The following CACHD1 variants were observed in gnomAD, a reference collection of about 807,000 sequenced individuals.
The protein encoded by CACHD1 is VWFA and cache domain-containing protein 1.
In CACHD1, 71 loss-of-function variants were observed where a neutral mutation model predicts 138.7. The observed-to-expected ratio is 0.51, with a 90% CI of 0.42 to 0.62. The LOEUF (loss-of-function observed/expected upper bound fraction) is 0.62, where lower values mean the gene tolerates loss of function less well. Among genes scored for constraint, CACHD1 ranks in the 20% least tolerant of loss-of-function variants. CACHD1 has a pLI of 0.00. For synonymous variants in CACHD1, 578 were observed against 591.5 expected (o/e 0.98, Z 0.33); for missense variants, 1,389 against 1,625.3 (o/e 0.85, Z 2.50).
At chr1:64,557,611 A>G (rs767339886) in intron 2 of CACHD1, among the ~76,000 whole-genome samples, 3 of 152,000 alleles carry the variant, frequency 2.0e-5, no homozygotes, top group African/African-American at 7.2e-5. Flanking sequence ...ATCCATCACC[A>G]CGTAAACACA....
intron 1 of CACHD1, among the ~76,000 whole-genome samples, chr1:64,498,974 T>C (rs1391375216): frequency 6.6e-6 from 1 of 152,194 alleles, no homozygotes; most frequent in East Asian, 1.9e-4. Flanking sequence ...TCTTCCTAGA[T>C]TTATTAAATA....
intron 4 of CACHD1, among the ~76,000 whole-genome samples, chr1:64,607,873 C>A (rs1420985345): frequency 1.3e-5 from 2 of 152,090 alleles, no homozygotes; most frequent in Non-Finnish European, 2.9e-5. Flanking sequence ...GCATTAAAGA[C>A]CTGTTAGTGG....
chr1:64,643,097 C>T (rs1165648769), intron 8 of CACHD1, among the ~76,000 whole-genome samples: 1 of 145,132 alleles, frequency 6.9e-6, no homozygotes, highest in Non-Finnish European at 1.5e-5. Flanking sequence ...AGCAGTCTTT[C>T]CCACCTACTA....
intron 7 of CACHD1, 27 bp downstream of exon 7, chr1:64,634,287 G>C (rs1309159083): frequency 1.3e-6 from 2 of 1,555,508 alleles, no homozygotes; most frequent in Admixed American, 1.7e-5. Flanking sequence ...AGAGGACTTA[G>C]AGGCATAGTA....
chr1:64,480,985 T>G (rs979018863), intron 1 of CACHD1, among the ~76,000 whole-genome samples: 1 of 152,168 alleles, frequency 6.6e-6, no homozygotes, highest in Non-Finnish European at 1.5e-5. Flanking sequence ...ATTTAAATGT[T>G]TCTTTACCTT....
At chr1:64,619,690 C>G (rs369824383) in intron 4 of CACHD1, among the ~76,000 whole-genome samples, 74 of 152,200 alleles carry the variant, frequency 4.9e-4, no homozygotes, top group African/African-American at 1.7e-3. Context: ...AGAATCTTCC[C>G]TTGGTTTAGT....
chr1:64,559,498 C>T (rs1283785715), intron 2 of CACHD1, among the ~76,000 whole-genome samples: 2 of 152,050 alleles, frequency 1.3e-5, no homozygotes, highest in African/African-American at 4.8e-5. Context: ...GTTTACTTGA[C>T]AGGAGAGGAT....
chr1:64,634,251 T>C lies in CACHD1; in HGVS notation c.997T>C (p.Phe333Leu). ...LIRSTNNNTK[F>L]QANTDMVIIY... ...TCGAAGTACAAACAATAACACAAAG[T>C]TCCAAGCAAGTGAGTGCGTTCTCTC... The change falls in exon 7 of 27, where the codon TTC (phenylalanine) becomes CTC (leucine). Residue 333 changes from phenylalanine to leucine, a missense_variant. By Grantham distance (22) the Phe-to-Leu change is conservative. Around this residue, in one of 5 missense-constraint regions of CACHD1, gnomAD observed 1,000 missense variants for 1,114.7 expected, o/e 0.90. Coordinates refer to ENST00000651257, the MANE Select transcript of CACHD1 (RefSeq NM_020925.4). 6.2e-7 allele frequency: 1 copy of C among 1,613,774 alleles called. No homozygotes were observed. The highest frequency in any genetic ancestry group is 8.5e-7 in the Non-Finnish European group (1 of 1,179,878).
At chr1:64,643,041 A>T (rs1348603480) in intron 8 of CACHD1, among the ~76,000 whole-genome samples, 1 of 16,396 alleles carries the variant, frequency 6.1e-5, no homozygotes, top group South Asian at 2.6e-3. Context: ...CTGTCTAAAA[A>T]AAAAAAAAAA....
At chr1:64,476,699 C>T (rs1444785600) in intron 1 of CACHD1, among the ~76,000 whole-genome samples, 1 of 152,252 alleles carries the variant, frequency 6.6e-6, no homozygotes, top group Non-Finnish European at 1.5e-5. Flanking sequence ...GTGCTTAGCA[C>T]TTCCTGGACT....
chr1:64,505,913 C>T (rs4600081), intron 1 of CACHD1: 99,050 of 135,596 alleles, frequency 0.73, 38,538 homozygotes, highest in Non-Finnish European at 0.85. Context: ...CCGCTTGTCT[C>T]TCCCCTCGCT....
intron 3 of CACHD1, among the ~76,000 whole-genome samples, chr1:64,599,300 T>A (rs1248432727): frequency 6.6e-6 from 1 of 152,196 alleles, no homozygotes; most frequent in African/African-American, 2.4e-5. Context: ...TGTGATATTA[T>A]GTTGTTTGAT....
chr1:64,655,985 C>G (rs1649249506), intron 12 of CACHD1, among the ~76,000 whole-genome samples: 1 of 152,204 alleles, frequency 6.6e-6, no homozygotes, highest in East Asian at 1.9e-4. Flanking sequence ...TTGACACTCT[C>G]TCTGCCTTCA....
intron 1 of CACHD1, among the ~76,000 whole-genome samples, chr1:64,543,215 A>G (rs1009956425): frequency 6.6e-6 from 1 of 151,286 alleles, no homozygotes; most frequent in Admixed American, 6.6e-5. Context: ...TTGGCAAACT[A>G]TTTTCTTGAA....
chr1:64,504,312 G>A (rs193294017), intron 1 of CACHD1, among the ~76,000 whole-genome samples: 21 of 152,328 alleles, frequency 1.4e-4, no homozygotes, highest in East Asian at 7.7e-4. Context: ...TTACAGGCAT[G>A]AGCCACTGCA....
chr1:64,667,981 C>T (rs938247360), intron 16 of CACHD1, among the ~76,000 whole-genome samples: 3 of 152,172 alleles, frequency 2.0e-5, no homozygotes, highest in African/African-American at 4.8e-5. Context: ...AAATATTTAT[C>T]GTGTTGGTCC....
chr1:64,496,175 T>C (rs1037836533), intron 1 of CACHD1, among the ~76,000 whole-genome samples: 3 of 152,228 alleles, frequency 2.0e-5, no homozygotes, highest in Non-Finnish European at 4.4e-5. Context: ...AAATTTGTGG[T>C]GTATTTCACT....
intron 1 of CACHD1, among the ~76,000 whole-genome samples, chr1:64,473,193 TC>T (rs1646155708): frequency 1.3e-5 from 2 of 152,122 alleles, no homozygotes; most frequent in South Asian, 4.1e-4. Flanking sequence ...GTGGCTTCTC[TC>T]CTTTTTTGAA....
At chr1:64,552,108 CAGATACA>C (rs1202280310) in intron 2 of CACHD1, among the ~76,000 whole-genome samples, 1 of 152,210 alleles carries the variant, frequency 6.6e-6, no homozygotes, top group African/African-American at 2.4e-5. Flanking sequence ...CTTCAAGTAA[CAGATACA>C]AGTTCTTACT....
Sources: allele counts gnomAD v4.1 joint callset (sites outside exome capture counted in the v4.1 genomes callset), GRCh38; gene constraint gnomAD v4.1.1; regional missense constraint gnomAD v4.1.1; transcripts MANE v1.5; gene names NCBI Gene and HGNC (gene_info 2026-07-23, HGNC 2026-07-21).